Variants in LUC7L3 observed in about 807,000 individuals in gnomAD.
LUC7L3 encodes the protein luc7-like protein 3.
LUC7L3 carries 6 observed loss-of-function variants against 66.8 expected under a neutral mutation model. That is an observed-to-expected ratio of 0.09 (90% confidence interval 0.05 to 0.18). LUC7L3 has a LOEUF of 0.18. Ranked by LOEUF, LUC7L3 falls within the 10% of genes least tolerant of loss-of-function variation. LUC7L3 has a pLI of 1.00. For missense variants in LUC7L3, 341 were observed against 531.1 expected, an observed-to-expected ratio of 0.64 and a Z score of 3.52; for synonymous variants, 160 against 174.7, an observed-to-expected ratio of 0.92 and a Z score of 0.66.
chr17:50,741,054 A>G (rs1235754886), intron 3 of LUC7L3, 48 bp from the exon 4 acceptor site: 5 of 1,588,002 alleles, frequency 3.1e-6, no homozygotes, highest in Non-Finnish European at 3.5e-6. Flanking sequence ...TTGAGTTGTA[A>G]TGGCTGAAGA....
intron 1 of LUC7L3, chr17:50,724,017 GT>G (rs1968985273): frequency 2.2e-6 from 1 of 448,720 alleles, no homozygotes; most frequent in Non-Finnish European, 4.5e-6. Flanking sequence ...ATATGTGTAT[GT>G]AATTGCTATT....
At position 50,744,822 on chromosome 17, in the gene LUC7L3, T is replaced by G. The variant is rs201283272; in HGVS notation, c.693+9T>G. On this transcript the variant is annotated intron_variant, in intron 7 of 9. Coordinates refer to ENST00000505658, the MANE Select transcript of LUC7L3 (RefSeq NM_016424.5). ...CTGTAGAAGAATTAAAAGTAAGTTT[T>G]TTTGTTTGTTTTGAGGCAGATTCTT... 2.9e-5 allele frequency: 46 copies of G among 1,606,844 alleles called. No homozygotes were observed. The highest frequency in any genetic ancestry group is 3.7e-5 in the Non-Finnish European group (43 of 1,177,556).
chr17:50,738,174 C>T (rs1970104093), intron 2 of LUC7L3: 1 of 456,028 alleles, frequency 2.2e-6, no homozygotes, highest in Non-Finnish European at 4.4e-6. Context: ...AGAAAGTGAA[C>T]AGTTCCTGAG....
At chr17:50,740,718 C>T (rs1970296298) in intron 3 of LUC7L3, among the ~76,000 whole-genome samples, 1 of 152,164 alleles carries the variant, frequency 6.6e-6, no homozygotes, top group Non-Finnish European at 1.5e-5. Context: ...ACCACCATGC[C>T]TGACTAATAT....
intron 1 of LUC7L3, among the ~76,000 whole-genome samples, chr17:50,731,573 A>G (rs1969607674): frequency 6.6e-6 from 1 of 152,226 alleles, no homozygotes; most frequent in Non-Finnish European, 1.5e-5. Context: ...AGTTAAAATC[A>G]TTCTCTGGGG....
chr17:50,739,774 C>G (rs1032086183), intron 2 of LUC7L3, among the ~76,000 whole-genome samples: 1 of 151,968 alleles, frequency 6.6e-6, no homozygotes, highest in Non-Finnish European at 1.5e-5. Flanking sequence ...TTTATTTATC[C>G]AAAAATTTTG....
intron 1 of LUC7L3, chr17:50,723,469 G>T (rs1968930924): frequency 6.6e-6 from 1 of 152,206 alleles, no homozygotes; most frequent in Non-Finnish European, 1.5e-5. Flanking sequence ...TTTTCTTTTT[G>T]CTTTAAAAAT....
chr17:50,719,954 C>A, intron 1 of LUC7L3, 123 bp downstream of exon 1: 1 of 832,010 alleles, frequency 1.2e-6, no homozygotes, highest in Non-Finnish European at 1.8e-6. Context: ...AGCGTCTGAC[C>A]CGGTGCCCAT....
At chr17:50,738,391 A>G (rs1271892346) in intron 2 of LUC7L3, among the ~76,000 whole-genome samples, 1 of 152,228 alleles carries the variant, frequency 6.6e-6, no homozygotes, top group Non-Finnish European at 1.5e-5. Context: ...CCTTCAACAC[A>G]AGAGATTAAC....
rs1165649797 is a variant in LUC7L3 at position 50,755,795 on chromosome 17, A to G, written c.*5134A>G. 1 of 152,246 alleles carries G rather than the reference A, an allele frequency of 6.6e-6. No individual in the cohort carries two copies. Among genetic ancestry groups the G allele is most frequent in the Non-Finnish European group, 1.5e-5 (1 of 68,050 alleles). The allele number at this position is 152,246 out of a possible 1,614,324, so 9.4% of individuals were successfully genotyped here. A position where few individuals can be genotyped will look rare whatever the true frequency, so the allele number is the denominator to read the frequency against. The stretch of plus-strand genomic sequence containing the variant: ...GTGTGTAATAGGAAGAAAAGAAGAA[A>G]AAACCCGGGAAGATCCCAAGTGTCC... On this transcript the variant is annotated 3_prime_UTR_variant, in exon 10 of 10. Transcript: ENST00000505658.
intron 6 of LUC7L3, 40 bp from the exon 7 acceptor site, chr17:50,744,612 T>C: frequency 4.4e-6 from 7 of 1,573,994 alleles, no homozygotes; most frequent in Non-Finnish European, 6.0e-6. Context: ...TTTGTTTCTC[T>C]TCCTCAGATG....
chr17:50,745,313 T>TA (rs1027397800), intron 7 of LUC7L3, among the ~76,000 whole-genome samples: 1 of 152,310 alleles, frequency 6.6e-6, no homozygotes, highest in South Asian at 2.1e-4. Flanking sequence ...TTTTAGCTAT[T>TA]AAAAAAATCT....
At position 50,751,023 on chromosome 17, in the gene LUC7L3, G is replaced by GTTTTTTTTTTTT. The variant is rs11385262; in HGVS notation, c.*373_*374insTTTTTTTTTTTT. The GTTTTTTTTTTTT allele has an allele frequency of 9.7e-7, 1 of 1,032,056 alleles. No homozygotes were observed. The allele number at this position is 1,032,056 out of a possible 1,614,324, so 63.9% of individuals were successfully genotyped here. A position where few individuals can be genotyped will look rare whatever the true frequency, so the allele number is the denominator to read the frequency against. ...TTTTTTTTAATAAAAAGGTTGAACT[G>GTTTTTTTTTTTT]TTTTTTTTTTTCTTTTTGGTATTAA... On this transcript the variant is annotated 3_prime_UTR_variant, in exon 10 of 10. Coordinates refer to ENST00000505658, the MANE Select transcript of LUC7L3 (RefSeq NM_016424.5).
rs1215732384 is a variant in LUC7L3 at position 50,752,625 on chromosome 17, C to T, written c.*1964C>T. On this transcript the variant is annotated 3_prime_UTR_variant, in exon 10 of 10. Coordinates refer to ENST00000505658, the MANE Select transcript of LUC7L3 (RefSeq NM_016424.5). Reference sequence around the variant, plus strand: ...GGATTTAGAAGTAAAAATAAAGTATCTCTGACTTTCTGTTACAAAGTTGAT... The same window carrying T: ...GGATTTAGAAGTAAAAATAAAGTATTTCTGACTTTCTGTTACAAAGTTGAT... 1 of 152,856 alleles carries T rather than the reference C, an allele frequency of 6.5e-6. No individual in the cohort carries two copies. Among genetic ancestry groups the T allele is most frequent in the African/African-American group, 2.4e-5 (1 of 41,430 alleles). 9.5% of individuals were successfully genotyped at this position (152,856 alleles called of 1,614,324 possible).
At chr17:50,745,106 C>T (rs1970585340) in intron 7 of LUC7L3, among the ~76,000 whole-genome samples, 1 of 152,176 alleles carries the variant, frequency 6.6e-6, no homozygotes, top group South Asian at 2.1e-4. Flanking sequence ...TCTCATGCCT[C>T]AGCTTCCTGA....
intron 3 of LUC7L3, 34 bp downstream of exon 3, chr17:50,740,379 A>G: frequency 6.3e-7 from 1 of 1,587,238 alleles, no homozygotes; most frequent in Non-Finnish European, 8.6e-7. Flanking sequence ...CCACCCCCCC[A>G]GTTATTAGTT....
In LUC7L3 at chr17:50,729,021, G is replaced by C. The variant is rs184973758; in HGVS notation, c.100-7939G>C. On this transcript the variant is annotated intron_variant, in intron 1 of 9. Transcript: ENST00000505658. Reference sequence around the variant, plus strand: ...GTTCTTGGAAACTATGACTTCAGTTGAAATGACATATAACAAAAGTTTTAC... The same window carrying C: ...GTTCTTGGAAACTATGACTTCAGTTCAAATGACATATAACAAAAGTTTTAC... 2.4e-4 allele frequency among the ~76,000 whole-genome samples: 37 copies of C among 152,242 alleles called. No individual in the cohort carries two copies. The East Asian group carries it at 7.1e-3, about 29-fold the overall frequency.
At chr17:50,746,429 A>G (rs1478201900) in intron 8 of LUC7L3, 113 bp from the exon 9 acceptor site, 7 of 899,564 alleles carry the variant, frequency 7.8e-6, no homozygotes, top group South Asian at 5.6e-5. Context: ...TCTAATGTAA[A>G]TATGTTTTAG....
rs1193792964 is a variant in LUC7L3 at position 50,753,453 on chromosome 17, C to G, written c.*2792C>G. 1 of 152,392 alleles carries G rather than the reference C, an allele frequency of 6.6e-6. No homozygotes were observed. The highest frequency in any genetic ancestry group is 1.5e-5 in the Non-Finnish European group (1 of 68,006). 9.4% of individuals were successfully genotyped at this position (152,392 alleles called of 1,614,324 possible). The stretch of plus-strand genomic sequence containing the variant: ...TTAAAGAATTTACTAAAATCTCTTC[C>G]ACCAAACTTTGAAAAATAATGAAGC... On this transcript the variant is annotated 3_prime_UTR_variant, in exon 10 of 10. Transcript: ENST00000505658.
Sources: gnomAD v4.1 joint callset for allele counts (sites outside exome capture counted in the v4.1 genomes callset) on GRCh38, gnomAD v4.1.1 for gene constraint, MANE v1.5 for transcripts, NCBI Gene and HGNC (gene_info 2026-07-23, HGNC 2026-07-21) for gene names.